Variants in GPC5 observed in about 807,000 individuals in gnomAD.
The protein encoded by GPC5 is glypican-5.
GPC5 carries 47 observed loss-of-function variants against 53.9 expected under a neutral mutation model. The ratio of observed to expected loss-of-function variants is 0.87; its 90% confidence interval spans 0.69 to 1.11. The LOEUF (loss-of-function observed/expected upper bound fraction) is 1.11. Ranked by LOEUF, GPC5 falls within the 50% of genes most tolerant of loss-of-function variation. GPC5 has a pLI of 0.00. For missense variants in GPC5, 748 were observed against 713.1 expected (o/e 1.05, Z -0.56); for synonymous variants, 286 against 263.3 (o/e 1.09, Z -0.84).
At chr13:91,528,295 A>G (rs955023889) in intron 2 of GPC5, among the ~76,000 whole-genome samples, 36 of 152,320 alleles carry the variant, frequency 2.4e-4, no homozygotes, top group Non-Finnish European at 2.9e-4. Context: ...TTTGCTGCTT[A>G]GAAATTTCTT....
chr13:92,352,831 C>A lies in GPC5; in HGVS notation c.1561+207842C>A, dbSNP rs73631006. 9.3e-3 allele frequency among the ~76,000 whole-genome samples: 1,412 copies of A among 152,230 alleles called. 16 individuals carry two copies. The highest frequency in any genetic ancestry group is 0.032 in the African/African-American group (1,315 of 41,544). On this transcript the variant is annotated intron_variant, in intron 7 of 7. Coordinates refer to ENST00000377067, the MANE Select transcript of GPC5 (RefSeq NM_004466.6). ...ATTAAAATATTTATGCACTTGAAAA[C>A]CCAGCCATATTTGGTATATATCCAA...
intron 5 of GPC5, among the ~76,000 whole-genome samples, chr13:91,805,952 T>C (rs2038212284): frequency 1.3e-5 from 2 of 151,842 alleles, no homozygotes; most frequent in African/African-American, 2.4e-5. Context: ...TTTTAAAATA[T>C]GTGGAAAAGT....
intron 7 of GPC5, among the ~76,000 whole-genome samples, chr13:92,293,185 T>G (rs189926544): frequency 6.6e-6 from 1 of 152,236 alleles, no homozygotes; most frequent in African/African-American, 2.4e-5. Context: ...TTAGAATTTT[T>G]TTTTCTAATT....
intron 6 of GPC5, among the ~76,000 whole-genome samples, chr13:92,040,006 G>C (rs536599666): frequency 1.3e-5 from 2 of 152,282 alleles, no homozygotes; most frequent in South Asian, 4.1e-4. Context: ...CAAGGGGACT[G>C]ATTTTATTTG....
intron 5 of GPC5, among the ~76,000 whole-genome samples, chr13:91,872,641 A>G (rs2039158660): frequency 1.3e-5 from 2 of 152,150 alleles, no homozygotes; most frequent in South Asian, 2.1e-4. Flanking sequence ...AATATGAAAT[A>G]TAGTATTGAA....
chr13:92,751,786 G>GTTTTA (rs1293556593), intron 7 of GPC5, among the ~76,000 whole-genome samples: 52 of 152,138 alleles, frequency 3.4e-4, no homozygotes, highest in Admixed American at 2.3e-3. Context: ...CTTAGCGTAT[G>GTTTTA]AGGGACATGA....
At chr13:92,069,011 T>G (rs1402335771) in intron 6 of GPC5, among the ~76,000 whole-genome samples, 1 of 152,012 alleles carries the variant, frequency 6.6e-6, no homozygotes, top group East Asian at 1.9e-4. Context: ...TACTTCTAGA[T>G]CTTACATTTA....
chr13:91,998,220 C>T (rs1411517), intron 6 of GPC5, among the ~76,000 whole-genome samples: 91,748 of 151,994 alleles, frequency 0.6, 28,369 homozygotes, highest in East Asian at 0.75. Context: ...TTCCATTCCC[C>T]TCTTCTATTT....
At chr13:92,711,974 A>G (rs915966222) in intron 7 of GPC5, among the ~76,000 whole-genome samples, 18 of 152,010 alleles carry the variant, frequency 1.2e-4, no homozygotes, top group African/African-American at 3.1e-4. Context: ...GGAAATTCAA[A>G]TCTATAAGCT....
chr13:91,710,651 G>A (rs2036204716), intron 3 of GPC5, among the ~76,000 whole-genome samples: 1 of 152,112 alleles, frequency 6.6e-6, no homozygotes, highest in Non-Finnish European at 1.5e-5. Flanking sequence ...TCCACTGCAT[G>A]TACTGTCTGG....
intron 7 of GPC5, among the ~76,000 whole-genome samples, chr13:92,648,573 TC>T (rs1885849084): frequency 6.6e-6 from 1 of 152,106 alleles, no homozygotes; most frequent in Non-Finnish European, 1.5e-5. Flanking sequence ...TTTTGATTTG[TC>T]CAACTATTTC....
chr13:92,595,912 A>C (rs890620685), intron 7 of GPC5, among the ~76,000 whole-genome samples: 1 of 152,166 alleles, frequency 6.6e-6, no homozygotes, highest in Non-Finnish European at 1.5e-5. Context: ...TATCAAAATC[A>C]TCATAAAATC....
intron 2 of GPC5, among the ~76,000 whole-genome samples, chr13:91,634,522 C>G (rs1479788476): frequency 2.0e-5 from 3 of 151,834 alleles, no homozygotes; most frequent in Non-Finnish European, 4.4e-5. Flanking sequence ...TCTCATAAGT[C>G]TCATAAATCT....
In GPC5 at chr13:91,894,880, T is replaced by C. The variant is rs531677553; in HGVS notation, c.1281-13057T>C. ...AGGGTAAATTCACCAGCAAGACATG[T>C]CTCAGAGACGGAATGTTAATTTTGC... On this transcript the variant is annotated intron_variant, in intron 5 of 7. Coordinates refer to ENST00000377067, the MANE Select transcript of GPC5 (RefSeq NM_004466.6). Among the ~76,000 whole-genome samples, 23 of 152,240 alleles carry C rather than the reference T, an allele frequency of 1.5e-4. 1 individual carries two copies. The South Asian group carries it at 4.8e-3, about 32-fold the overall frequency.
At chr13:91,935,885 G>C (rs773102305) in intron 6 of GPC5, among the ~76,000 whole-genome samples, 1 of 152,070 alleles carries the variant, frequency 6.6e-6, no homozygotes, top group Admixed American at 6.6e-5. Context: ...AGATGAAATT[G>C]CCTAGGGAAA....
chr13:91,717,216 G>A (rs2036357522), intron 3 of GPC5, among the ~76,000 whole-genome samples: 1 of 152,236 alleles, frequency 6.6e-6, no homozygotes, highest in Admixed American at 6.5e-5. Context: ...ACACAATTTA[G>A]CTGAAGTGTA....
At chr13:92,264,854 G>GTCTCTCTC (rs147820719) in intron 7 of GPC5, among the ~76,000 whole-genome samples, 2 of 139,456 alleles carry the variant, frequency 1.4e-5, no homozygotes, top group African/African-American at 5.6e-5. Context: ...TATGTTTAGG[G>GTCTCTCTC]TCTCTCTCTC....
chr13:92,080,398 A>T (rs2041285876), intron 6 of GPC5, among the ~76,000 whole-genome samples: 1 of 152,174 alleles, frequency 6.6e-6, no homozygotes, highest in Admixed American at 6.5e-5. Flanking sequence ...CCTTGACTTG[A>T]ATATACTACT....
At chr13:92,741,456 C>A (rs760924453) in intron 7 of GPC5, among the ~76,000 whole-genome samples, 1 of 151,848 alleles carries the variant, frequency 6.6e-6, no homozygotes, top group Non-Finnish European at 1.5e-5. Flanking sequence ...GCCTTCTCAG[C>A]CTTCATAACT....
Sources: allele counts gnomAD v4.1 joint callset (sites outside exome capture counted in the v4.1 genomes callset), GRCh38; gene constraint gnomAD v4.1.1; transcripts MANE v1.5; gene names NCBI Gene and HGNC (gene_info 2026-07-23, HGNC 2026-07-21).